Variants in MAEA observed in about 807,000 individuals in gnomAD.
MAEA encodes the protein macrophage erythroblast attacher, E3 ubiquitin ligase.
MAEA carries 22 observed loss-of-function variants against 46.2 expected under a neutral mutation model. The observed-to-expected ratio is 0.48, with a 90% CI of 0.34 to 0.68. The LOEUF is 0.68. Among genes scored for constraint, MAEA ranks in the 30% least tolerant of loss-of-function variants. The probability of loss-of-function intolerance (pLI) is 0.01; values close to 1 mark genes in which losing one functional copy is unlikely to be tolerated. For synonymous variants in MAEA, 246 were observed against 222.6 expected (o/e 1.11, Z -0.94); for missense variants, 393 against 558.1 (o/e 0.70, Z 2.98).
At chr4:1,291,378 T>TGA (rs1367885253) in intron 1 of MAEA, among the ~76,000 whole-genome samples, 35 of 152,218 alleles carry the variant, frequency 2.3e-4, no homozygotes, top group Admixed American at 2.3e-3. Context: ...GCAATGTTGC[T>TGA]GACGTTACCA....
chr4:1,327,654 CAGG>C lies in MAEA; in HGVS notation c.610_612del (p.Glu204del). 6.2e-7 allele frequency: 1 copy of C among 1,613,962 alleles called. No individual in the cohort carries two copies. Among genetic ancestry groups the C allele is most frequent in the Non-Finnish European group, 8.5e-7 (1 of 1,179,976 alleles). On this transcript the variant is annotated inframe_deletion, in exon 5 of 9. Coordinates refer to ENST00000303400, the MANE Select transcript of MAEA (RefSeq NM_001017405.3). ...CTGCCTGGAGTTCAGCCTCAGAATC[CAGG>C]AGTTCATTGAACTCATCCGGCAGAA...
At position 1,339,067 on chromosome 4, in the gene MAEA, T is replaced by C. The variant is rs1713191880; in HGVS notation, c.1096-7T>C. ...TGCCTTAATGCATTCCCGGTTTTAT[T>C]TTTCAGTCTCTGCTTTCTATCCGTC... On this transcript the variant is annotated splice_region_variant and splice_polypyrimidine_tract_variant and intron_variant, in intron 8 of 8. Coordinates refer to ENST00000303400, the MANE Select transcript of MAEA (RefSeq NM_001017405.3). 1.2e-6 allele frequency: 2 copies of C among 1,612,156 alleles called. No individual in the cohort carries two copies. Among genetic ancestry groups the C allele is most frequent in the Non-Finnish European group, 8.5e-7 (1 of 1,178,302 alleles).
intron 4 of MAEA, among the ~76,000 whole-genome samples, chr4:1,326,993 C>G (rs1375901281): frequency 6.6e-6 from 1 of 151,968 alleles, no homozygotes; most frequent in Non-Finnish European, 1.5e-5. Flanking sequence ...CCTGTCTCCT[C>G]CCCGCCCTGC....
chr4:1,304,852 T>G (rs922603429), intron 1 of MAEA, among the ~76,000 whole-genome samples: 1 of 152,226 alleles, frequency 6.6e-6, no homozygotes, highest in Admixed American at 6.5e-5. Context: ...CTAGAAAATT[T>G]GAAACTCTAC....
At chr4:1,335,037 C>G in intron 6 of MAEA, 1 of 985,368 alleles carries the variant, frequency 1.0e-6, no homozygotes, top group African/African-American at 1.7e-5. Flanking sequence ...GTGGCCGTCT[C>G]CCCCCAAGCT....
chr4:1,311,828 T>G lies in MAEA; in HGVS notation c.70-151T>G. The G allele has an allele frequency of 1.5e-6, 1 of 679,152 alleles. No individual in the cohort carries two copies. 42.1% of individuals were successfully genotyped at this position (679,152 alleles called of 1,614,324 possible). On this transcript the variant is annotated intron_variant, in intron 1 of 8. Transcript: ENST00000303400. The surrounding 1 kb of genome is among the most constrained non-coding windows in gnomAD (Gnocchi z 4.4). ...CAGCAGGGCTTTTGTGGGTCTTGGT[T>G]GAGGTTTAGAGTAGATACTTTTGAG...
At chr4:1,319,941 C>T (rs1465239243) in intron 3 of MAEA, among the ~76,000 whole-genome samples, 1 of 142,746 alleles carries the variant, frequency 7.0e-6, no homozygotes, top group Non-Finnish European at 1.5e-5. Context: ...AAAGAATCAT[C>T]AAAGCAAACA....
intron 1 of MAEA, among the ~76,000 whole-genome samples, chr4:1,300,887 G>A (rs1359123282): frequency 6.6e-6 from 1 of 152,162 alleles, no homozygotes; most frequent in African/African-American, 2.4e-5. Context: ...TTTCCTTGGT[G>A]AGCCTCCCTC....
chr4:1,323,560 A>G (rs186462177), intron 4 of MAEA: 1 of 702,580 alleles, frequency 1.4e-6, no homozygotes, highest in African/African-American at 1.7e-5. Flanking sequence ...GCTCCCCTAA[A>G]GAGAGTTTGG....
intron 3 of MAEA, among the ~76,000 whole-genome samples, chr4:1,317,908 G>A (rs1192377322): frequency 2.0e-5 from 3 of 152,190 alleles, no homozygotes; most frequent in Non-Finnish European, 4.4e-5. Context: ...GGGGTCGTCT[G>A]TGATGCCTCT....
At chr4:1,306,649 T>C (rs1267668656) in intron 1 of MAEA, among the ~76,000 whole-genome samples, 1 of 152,246 alleles carries the variant, frequency 6.6e-6, no homozygotes, top group Admixed American at 6.5e-5. Flanking sequence ...ATGGCTCGTG[T>C]TCTTAACTTT....
rs1739039178 is a variant in MAEA, at chr4:1,327,794, GGAC to G, written c.656+93_656+95del. The stretch of plus-strand genomic sequence containing the variant: ...CCTCCCTGTCGTGGTCTGGGTCCTG[GGAC>G]GTCCCCTGGGTCGTCCCCTGGGTCT... On this transcript the variant is annotated intron_variant, in intron 5 of 8. Coordinates refer to ENST00000303400, the MANE Select transcript of MAEA (RefSeq NM_001017405.3). 4 of 976,346 alleles carry G rather than the reference GGAC, an allele frequency of 4.1e-6. No individual in the cohort carries two copies. In the Admixed American group the frequency reaches 1.5e-4, roughly 35 times the overall value. 60.5% of individuals were successfully genotyped at this position (976,346 alleles called of 1,614,324 possible). A position where few individuals can be genotyped will look rare whatever the true frequency, so the allele number is the denominator to read the frequency against.
At chr4:1,321,745 G>A (rs138104006) in intron 3 of MAEA, among the ~76,000 whole-genome samples, 22 of 152,186 alleles carry the variant, frequency 1.4e-4, no homozygotes, top group Admixed American at 2.6e-4. Context: ...GTGGAGTCCC[G>A]TACCAGCTGC....
chr4:1,298,462 C>T (rs1734998742), intron 1 of MAEA, among the ~76,000 whole-genome samples: 1 of 139,510 alleles, frequency 7.2e-6, no homozygotes, highest in Non-Finnish European at 1.5e-5. Flanking sequence ...GTGCGGGACC[C>T]ACAGGTCCCC....
intron 1 of MAEA, chr4:1,309,715 G>A (rs1560343646): frequency 6.6e-7 from 1 of 1,525,552 alleles, no homozygotes; most frequent in Non-Finnish European, 8.8e-7. Flanking sequence ...TGGCCCCGGT[G>A]AGCCCCTCCC....
At chr4:1,309,542 A>G in intron 1 of MAEA, 3 of 1,417,728 alleles carry the variant, frequency 2.1e-6, no homozygotes, top group African/African-American at 1.4e-5. Flanking sequence ...TCATCCCCTG[A>G]ACTCAGATTG....
intron 1 of MAEA, among the ~76,000 whole-genome samples, chr4:1,299,096 C>T (rs1002193671): frequency 6.6e-6 from 1 of 152,132 alleles, no homozygotes; most frequent in East Asian, 1.9e-4. Flanking sequence ...CTAGGCTGGT[C>T]TCCATCTCTT....
intron 4 of MAEA, among the ~76,000 whole-genome samples, chr4:1,326,764 C>T (rs1738883453): frequency 6.6e-6 from 1 of 152,172 alleles, no homozygotes. Flanking sequence ...CCTCAGTGTC[C>T]CCTGGGCCAG....
rs565098791 is a variant in MAEA, at chr4:1,321,928, A to C, written c.457-453A>C. On this transcript the variant is annotated intron_variant, in intron 3 of 8. Coordinates refer to ENST00000303400, the MANE Select transcript of MAEA (RefSeq NM_001017405.3). ...AATCATTGGTTGTAACTACCGCGATATTAGCCATAATGTGTTTATGTATTA... is the reference window on the plus strand; with the variant it reads ...AATCATTGGTTGTAACTACCGCGATCTTAGCCATAATGTGTTTATGTATTA... Among the ~76,000 whole-genome samples, 5 of 146,872 alleles carry C rather than the reference A, an allele frequency of 3.4e-5. No homozygotes were observed. The Admixed American group carries it at 3.5e-4, about 10-fold the overall frequency.
Sources: gnomAD v4.1 joint callset for allele counts (sites outside exome capture counted in the v4.1 genomes callset) on GRCh38, gnomAD v4.1.1 for gene constraint, Gnocchi (gnomAD v3.1) non-coding constraint, MANE v1.5 for transcripts, NCBI Gene and HGNC (gene_info 2026-07-23, HGNC 2026-07-21) for gene names.